The following GOLGA8S variants were observed in gnomAD, a reference collection of about 807,000 sequenced individuals.
GOLGA8S encodes the protein golgin A8 family member S, also known as golgin subfamily A member 8S.
In GOLGA8S, 23 loss-of-function variants were observed where a neutral mutation model predicts 58.9. That is an observed-to-expected ratio of 0.39 (90% CI 0.28 to 0.55). The LOEUF is 0.55. GOLGA8S is among the 20% of genes least tolerant of loss of function. The pLI is 0.63. For synonymous variants in GOLGA8S, 84 were observed against 195.7 expected, an observed-to-expected ratio of 0.43 and a Z score of 4.76; for missense variants, 266 against 514.2, an observed-to-expected ratio of 0.52 and a Z score of 4.67.
Position 23,360,661 on chromosome 15 carries a change from G to A in GOLGA8S, c.787-67G>A, listed in dbSNP as rs660578. ...GCTTTGTGGAGGTGGGGGCAGAGAG[G>A]GAGAGGGCAGCCTGTCCAGCCTCCA... On this transcript the variant is annotated intron_variant, in intron 10 of 18. Coordinates refer to ENST00000562295, the Ensembl canonical transcript of GOLGA8S. 8.9e-6 allele frequency: 11 copies of A among 1,233,742 alleles called. 1 individual carries two copies. The East Asian group carries it at 1.2e-4, about 13-fold the overall frequency. 76.4% of individuals were successfully genotyped at this position (1,233,742 alleles called of 1,614,324 possible). A position where few individuals can be genotyped will look rare whatever the true frequency, so the allele number is the denominator to read the frequency against.
chr15:23,366,586 A>G (rs1343372972), downstream of GOLGA8S: 2 of 152,098 alleles, frequency 1.3e-5, no homozygotes, highest in Non-Finnish European at 2.9e-5. Flanking sequence ...ACAATCACAG[A>G]GTTATATTTT....
chr15:23,356,412 T>A lies in GOLGA8S; in HGVS notation c.49-179T>A, dbSNP rs567972892. Among the ~76,000 whole-genome samples, 10 of 127,298 alleles carry A rather than the reference T, an allele frequency of 7.9e-5. 1 individual carries two copies. The highest frequency in any genetic ancestry group is 6.9e-4 in the Admixed American group (8 of 11,528). 83.5% of individuals were successfully genotyped at this position (127,298 alleles called of 152,430 possible). ...TGTCGCCTTTTTCTTTTCTTCTTTT[T>A]TTTTCTAGCCATGATATCAATCTCT... is the stretch of plus-strand genomic sequence containing the variant. On this transcript the variant is annotated intron_variant, in intron 1 of 18. Coordinates refer to ENST00000562295, the Ensembl canonical transcript of GOLGA8S.
At chr15:23,365,073 T>C in exon 19 of GOLGA8S, 1 of 1,581,068 alleles carries the variant, frequency 6.3e-7, no homozygotes, top group Non-Finnish European at 8.6e-7. Flanking sequence ...CACCCAGGCT[T>C]GGGCAACAAC....
At chr15:23,361,019 G>C (rs996100578) in intron 11 of GOLGA8S, among the ~76,000 whole-genome samples, 1 of 149,648 alleles carries the variant, frequency 6.7e-6, no homozygotes, top group African/African-American at 2.5e-5. Flanking sequence ...GCCACCCGCA[G>C]TGCTCTTTCT....
At chr15:23,356,383 C>A (rs1421581256) in intron 1 of GOLGA8S, among the ~76,000 whole-genome samples, 1 of 131,468 alleles carries the variant, frequency 7.6e-6, no homozygotes, top group African/African-American at 2.5e-5. Flanking sequence ...TTTCAAAGTT[C>A]ATCTGTCGCC....
At chr15:23,364,300 GGCAGGTCGCT>G in intron 15 of GOLGA8S, 33 bp from the exon 16 acceptor site, 1 of 1,595,462 alleles carries the variant, frequency 6.3e-7, no homozygotes, top group Non-Finnish European at 8.5e-7. Context: ...GCCACCTGAG[GGCAGGTCGCT>G]GCCGAGATGT....
chr15:23,368,231 T>C (rs1339395496), downstream of GOLGA8S, among the ~76,000 whole-genome samples: 1 of 151,970 alleles, frequency 6.6e-6, no homozygotes, highest in Admixed American at 6.6e-5. Flanking sequence ...GAATGTGTAA[T>C]GGAAATACTG....
exon 12 of GOLGA8S, chr15:23,361,244 C>T (rs1485909368): frequency 2.0e-6 from 3 of 1,498,554 alleles, no homozygotes; most frequent in Non-Finnish European, 2.8e-6. Context: ...CCCGGAGCCC[C>T]CAGCAGTGCC....
downstream of GOLGA8S, chr15:23,365,162 A>C: frequency 6.3e-7 from 1 of 1,584,968 alleles, no homozygotes; most frequent in East Asian, 2.2e-5. Flanking sequence ...GAGCTGCTCA[A>C]GAAATTTTTA....
At chr15:23,364,351 T>C in exon 16 of GOLGA8S, 9 of 1,602,438 alleles carry the variant, frequency 5.6e-6, no homozygotes, top group Non-Finnish European at 7.6e-6. Context: ...AGAGCAGCTT[T>C]ATGGACCACC....
At chr15:23,359,475 C>G (rs1025553865) in intron 8 of GOLGA8S, among the ~76,000 whole-genome samples, 11 of 145,640 alleles carry the variant, frequency 7.6e-5, no homozygotes, top group African/African-American at 2.8e-4. Context: ...TGGTCTTGGC[C>G]AAGTCCTCAG....
chr15:23,364,215 C>G, intron 15 of GOLGA8S, 128 bp from the exon 16 acceptor site: 2 of 1,488,504 alleles, frequency 1.3e-6, no homozygotes, highest in Admixed American at 3.8e-5. Flanking sequence ...GGGAGACCCA[C>G]TGGGCCCTGC....
At chr15:23,366,055 T>G (rs1180284417), downstream of GOLGA8S, 5 of 150,740 alleles carry the variant, frequency 3.3e-5, no homozygotes, top group Non-Finnish European at 7.4e-5. Context: ...AACTCAGAGT[T>G]CATGTTACCT....
intron 1 of GOLGA8S, among the ~76,000 whole-genome samples, chr15:23,356,216 C>T (rs1256002578): frequency 6.9e-6 from 1 of 145,298 alleles, no homozygotes; most frequent in African/African-American, 2.4e-5. Flanking sequence ...AGGTGCACTT[C>T]TTCACACTAA....
chr15:23,363,829 C>T, intron 15 of GOLGA8S, 60 bp downstream of exon 15: 2 of 524,302 alleles, frequency 3.8e-6, no homozygotes, highest in Admixed American at 3.3e-5. Flanking sequence ...CTCCAAGACC[C>T]CTTTATGCTC....
Position 23,360,001 on chromosome 15 carries a change from C to G in GOLGA8S, c.592-231C>G, listed in dbSNP as rs1427655505. On this transcript the variant is annotated intron_variant, in intron 8 of 18. Transcript: ENST00000562295. ...ACAGTGGTAATAATAACAGTAATAA[C>G]AACAGCAATATTATCTGATCTCTCT... Among the ~76,000 whole-genome samples, 4 of 149,578 alleles carry G rather than the reference C, an allele frequency of 2.7e-5. 1 individual carries two copies. Among genetic ancestry groups the G allele is most frequent in the African/African-American group, 1.0e-4 (4 of 40,176 alleles).
At chr15:23,361,360 G>A (rs761427149) in exon 12 of GOLGA8S, 19 of 1,146,678 alleles carry the variant, frequency 1.7e-5, no homozygotes, top group Admixed American at 1.2e-4. Flanking sequence ...TGAATGAGGG[G>A]CAAAAGGAGA....
At chr15:23,362,804 C>G (rs1294109870) in intron 13 of GOLGA8S, among the ~76,000 whole-genome samples, 3 of 144,260 alleles carry the variant, frequency 2.1e-5, no homozygotes, top group Non-Finnish European at 4.5e-5. Context: ...AAACCAGCCA[C>G]CATGTGCCCT....
In GOLGA8S at chr15:23,364,522, G is replaced by C. The variant is rs759567595; in HGVS notation, c.1449-4G>C. On this transcript the variant is annotated splice_region_variant and splice_polypyrimidine_tract_variant and intron_variant, in intron 16 of 18. Coordinates refer to ENST00000562295, the Ensembl canonical transcript of GOLGA8S. ...CCCAGCGTCTGAGCCCTGTCCTCCC[G>C]CAGGAAAATCCATCACCTTTTATCA... is the stretch of plus-strand genomic sequence containing the variant. 6.2e-7 allele frequency: 1 copy of C among 1,602,470 alleles called. No homozygotes were observed. Among genetic ancestry groups the C allele is most frequent in the Non-Finnish European group, 8.5e-7 (1 of 1,178,630 alleles).
Sources: allele counts gnomAD v4.1 joint callset (sites outside exome capture counted in the v4.1 genomes callset), GRCh38; gene constraint gnomAD v4.1.1; transcripts MANE v1.5; gene names NCBI Gene and HGNC (gene_info 2026-07-23, HGNC 2026-07-21).